Variants in KCNU1 observed in about 807,000 individuals in gnomAD.
KCNU1 encodes potassium calcium-activated channel subfamily U member 1, also known as potassium channel subfamily U member 1.
KCNU1 carries 93 observed loss-of-function variants against 126.8 expected under a neutral mutation model. That is an observed-to-expected ratio of 0.73 (90% confidence interval 0.62 to 0.87). KCNU1 has a LOEUF of 0.87. Ranked by LOEUF, KCNU1 falls within the 40% of genes least tolerant of loss-of-function variation. KCNU1 has a pLI of 0.00. For synonymous variants in KCNU1, 523 were observed against 494.2 expected (o/e 1.06, Z -0.77); for missense variants, 1,330 against 1,367.1 (o/e 0.97, Z 0.43).
chr8:36,842,927 G>A (rs1412310183), intron 16 of KCNU1, among the ~76,000 whole-genome samples: 1 of 152,168 alleles, frequency 6.6e-6, no homozygotes, highest in South Asian at 2.1e-4. Context: ...GCTTCCCAAA[G>A]TGCTGGGATT....
chr8:36,812,998 G>A (rs962782798), intron 7 of KCNU1, among the ~76,000 whole-genome samples: 2 of 152,180 alleles, frequency 1.3e-5, no homozygotes, highest in African/African-American at 4.8e-5. Context: ...TGGGATTTTA[G>A]CTTAAAGGGA....
intron 19 of KCNU1, among the ~76,000 whole-genome samples, chr8:36,894,004 A>G (rs1807081801): frequency 6.6e-6 from 1 of 152,124 alleles, no homozygotes; most frequent in South Asian, 2.1e-4. Flanking sequence ...GCAAGCCAAA[A>G]ATCCAAAAAT....
chr8:36,833,434 G>A (rs1268498634), intron 10 of KCNU1, 120 bp from the exon 11 acceptor site: 1 of 530,796 alleles, frequency 1.9e-6, no homozygotes, highest in Admixed American at 3.0e-5. Context: ...AACTTGATTT[G>A]TATTTTTTCA....
chr8:36,817,203 A>C (rs2130473390), intron 9 of KCNU1, among the ~76,000 whole-genome samples: 1 of 152,146 alleles, frequency 6.6e-6, no homozygotes, highest in Non-Finnish European at 1.5e-5. Context: ...CAATGTTTAA[A>C]ATCTGGGTGA....
At position 36,814,388 on chromosome 8, in the gene KCNU1, T is replaced by C; in HGVS notation, c.903+11T>C. The C allele has an allele frequency of 1.3e-6, 2 of 1,571,878 alleles. No individual in the cohort carries two copies. The highest frequency in any genetic ancestry group is 1.7e-6 in the Non-Finnish European group (2 of 1,152,006). On this transcript the variant is annotated intron_variant, in intron 8 of 26. Coordinates refer to ENST00000399881, the MANE Select transcript of KCNU1 (RefSeq NM_001031836.3). ...ACACTGGGGAGTTTGGTGAAGAATATTTTTAATATATTTTGAATATAGCTA... is the reference window on the plus strand; with the variant it reads ...ACACTGGGGAGTTTGGTGAAGAATACTTTTAATATATTTTGAATATAGCTA...
intron 18 of KCNU1, among the ~76,000 whole-genome samples, chr8:36,859,977 A>G (rs1046772706): frequency 6.6e-6 from 1 of 152,242 alleles, no homozygotes; most frequent in Non-Finnish European, 1.5e-5. Context: ...GGGAGCACAA[A>G]CTCAAAAGGA....
At chr8:36,817,184 T>G (rs1034759755) in intron 9 of KCNU1, among the ~76,000 whole-genome samples, 6 of 152,034 alleles carry the variant, frequency 3.9e-5, no homozygotes, top group Non-Finnish European at 8.8e-5. Flanking sequence ...AATGCAGTCC[T>G]TAGTGTTTCA....
At chr8:36,840,782 A>T in intron 15 of KCNU1, 150 bp from the exon 16 acceptor site, 1 of 690,818 alleles carries the variant, frequency 1.4e-6, no homozygotes, top group Non-Finnish European at 2.6e-6. Context: ...TGGTTACTTT[A>T]GGTGGATTCA....
intron 22 of KCNU1, 50 bp downstream of exon 22, chr8:36,911,169 G>A: frequency 7.0e-7 from 1 of 1,421,856 alleles, no homozygotes; most frequent in Non-Finnish European, 9.6e-7. Context: ...TGGAAAAAAA[G>A]AGATAATTAA....
intron 24 of KCNU1, among the ~76,000 whole-genome samples, chr8:36,924,166 ACT>A (rs1808458925): frequency 6.6e-6 from 1 of 151,738 alleles, no homozygotes; most frequent in Admixed American, 6.6e-5. Context: ...ACTTGCAAAA[ACT>A]CTTCCAAAGG....
intron 2 of KCNU1, among the ~76,000 whole-genome samples, chr8:36,789,424 GT>G (rs936617004): frequency 6.6e-6 from 1 of 151,270 alleles, no homozygotes; most frequent in Non-Finnish European, 1.5e-5. Context: ...CCCAAGTACA[GT>G]TTTAAGTTCT....
rs757815989 is a variant in KCNU1 at position 36,784,578 on chromosome 8, A to G, written c.168A>G (p.Gln56=). The change falls in exon 1 of 27, where the codon CAA becomes CAG. Residue 56 remains glutamine (Q), a synonymous_variant. Transcript: ENST00000399881. ...RLIWRSVKKW[Q]IIKGTGIILE... is the part of the protein sequence containing the mutation. ...TCTGGAGATCTGTTAAAAAATGGCA[A>G]ATCATCAAGGGAACAGGAATTATCT... is the stretch of plus-strand genomic sequence containing the variant. 7 of 1,613,310 alleles carry G rather than the reference A, an allele frequency of 4.3e-6. No homozygotes were observed. In the East Asian group the frequency reaches 1.3e-4, roughly 31 times the overall value.
At chr8:36,857,987 TAG>T (rs1406360961) in intron 18 of KCNU1, among the ~76,000 whole-genome samples, 2 of 152,104 alleles carry the variant, frequency 1.3e-5, no homozygotes, top group Non-Finnish European at 2.9e-5. Context: ...GAACAATTTC[TAG>T]AGATTTTCAA....
intron 19 of KCNU1, among the ~76,000 whole-genome samples, chr8:36,897,313 C>G (rs1386331687): frequency 6.6e-6 from 1 of 151,944 alleles, no homozygotes; most frequent in Non-Finnish European, 1.5e-5. Context: ...ATCATTCTCT[C>G]TCTTTTTCTC....
intron 2 of KCNU1, among the ~76,000 whole-genome samples, chr8:36,792,453 C>G (rs1802937423): frequency 6.6e-6 from 1 of 152,130 alleles, no homozygotes; most frequent in Admixed American, 6.5e-5. Context: ...GGGATAGACC[C>G]TGCGAGAAAG....
intron 2 of KCNU1, among the ~76,000 whole-genome samples, chr8:36,799,558 G>A (rs549729414): frequency 6.6e-6 from 1 of 151,342 alleles, no homozygotes; most frequent in South Asian, 2.1e-4. Flanking sequence ...TTTTGATGGA[G>A]TATCACTCTG....
At chr8:36,874,033 G>C (rs1806196750) in intron 19 of KCNU1, among the ~76,000 whole-genome samples, 1 of 152,138 alleles carries the variant, frequency 6.6e-6, no homozygotes, top group Non-Finnish European at 1.5e-5. Flanking sequence ...CATACCGTGG[G>C]ATTACACCGT....
chr8:36,928,808 A>G (rs192909490), intron 24 of KCNU1: 17 of 515,880 alleles, frequency 3.3e-5, no homozygotes, highest in Non-Finnish European at 5.5e-5. Flanking sequence ...ATCTTCAGGA[A>G]GTATTGCTCA....
intron 19 of KCNU1, among the ~76,000 whole-genome samples, chr8:36,890,779 A>C (rs1476690133): frequency 1.3e-5 from 2 of 151,956 alleles, no homozygotes; most frequent in Non-Finnish European, 2.9e-5. Flanking sequence ...ATATTTGGAC[A>C]GATTAAAAAT....
Sources: allele counts gnomAD v4.1 joint callset (sites outside exome capture counted in the v4.1 genomes callset), GRCh38; gene constraint gnomAD v4.1.1; transcripts MANE v1.5; gene names NCBI Gene and HGNC (gene_info 2026-07-23, HGNC 2026-07-21).